The following IGFBPL1 variants were observed in gnomAD, a reference collection of about 807,000 sequenced individuals.
The protein encoded by IGFBPL1 is insulin like growth factor binding protein like 1.
A neutral mutation model predicts 23.9 loss-of-function variants in IGFBPL1; 20 were observed. The ratio of observed to expected loss-of-function variants is 0.84; its 90% CI spans 0.59 to 1.22. The LOEUF is 1.22. Ranked by LOEUF, IGFBPL1 falls within the 50% of genes most tolerant of loss-of-function variation. The pLI is 0.00. For synonymous variants in IGFBPL1, 184 were observed against 171.8 expected (o/e 1.07, Z -0.56); for missense variants, 436 against 379.3 (o/e 1.15, Z -1.24).
At position 38,419,830 on chromosome 9, in the gene IGFBPL1, C is replaced by G. The variant is rs546629459; in HGVS notation, c.460+4135G>C. 1.7e-4 allele frequency among the ~76,000 whole-genome samples: 26 copies of G among 151,704 alleles called. 1 individual carries two copies. In the South Asian group the frequency reaches 5.4e-3, roughly 32 times the overall value. On this transcript the variant is annotated intron_variant, in intron 1 of 4. Coordinates refer to ENST00000377694, the MANE Select transcript of IGFBPL1 (RefSeq NM_001007563.3). Reference sequence around the variant, plus strand: ...GAATAATTCTTACTGTTGGAAATTGCTTTTGCATCCTTCTTCTTCCTTCTC... The same window carrying G: ...GAATAATTCTTACTGTTGGAAATTGGTTTTGCATCCTTCTTCTTCCTTCTC...
chr9:38,421,791 A>G (rs1402129220), intron 1 of IGFBPL1, among the ~76,000 whole-genome samples: 1 of 152,210 alleles, frequency 6.6e-6, no homozygotes, highest in Admixed American at 6.5e-5. Context: ...ACAAGGGCAG[A>G]GGCCACACTA....
chr9:38,410,684 T>C (rs139967775), intron 4 of IGFBPL1, among the ~76,000 whole-genome samples: 180 of 152,248 alleles, frequency 1.2e-3, no homozygotes, highest in African/African-American at 4.2e-3. Context: ...ACATGGAACA[T>C]GAGCAAGTGA....
chr9:38,414,031 TCTCACACACA>T, intron 2 of IGFBPL1, 53 bp downstream of exon 2: 1 of 762,488 alleles, frequency 1.3e-6, no homozygotes, highest in Non-Finnish European at 2.0e-6. Flanking sequence ...TCTCCCTCTT[TCTCACACACA>T]CACACACACA....
chr9:38,420,368 A>C (rs1034161760), intron 1 of IGFBPL1, among the ~76,000 whole-genome samples: 2 of 152,164 alleles, frequency 1.3e-5, no homozygotes, highest in Admixed American at 6.5e-5. Flanking sequence ...CCATCCTTCA[A>C]GGCTTCTCTC....
At chr9:38,413,939 T>C (rs562999212) in intron 2 of IGFBPL1, among the ~76,000 whole-genome samples, 155 bp downstream of exon 2, 2 of 152,116 alleles carry the variant, frequency 1.3e-5, no homozygotes, top group South Asian at 2.1e-4. Context: ...TGATATCTTT[T>C]CTTCATCCTC....
chr9:38,408,938 T>C lies in IGFBPL1; in HGVS notation c.*289A>G, dbSNP rs903823845. ...ACAGCTGACACGAGCCCTTTCGAAA[T>C]TGCAAACATGCCGTTCTGTGATCTC... On this transcript the variant is annotated 3_prime_UTR_variant, in exon 5 of 5. Transcript: ENST00000377694. 6 of 152,152 alleles carry C rather than the reference T, an allele frequency of 3.9e-5. No individual in the cohort carries two copies. Among genetic ancestry groups the C allele is most frequent in the African/African-American group, 1.4e-4 (6 of 41,428 alleles). The allele number at this position is 152,152 out of a possible 1,614,324, so 9.4% of individuals were successfully genotyped here.
At chr9:38,423,142 A>G (rs988484222) in intron 1 of IGFBPL1, among the ~76,000 whole-genome samples, 4 of 152,184 alleles carry the variant, frequency 2.6e-5, no homozygotes, top group African/African-American at 9.6e-5. Context: ...AAGCAGTGCT[A>G]ACGTTTTGGT....
At chr9:38,409,817 AACT>A (rs1821484100) in intron 4 of IGFBPL1, among the ~76,000 whole-genome samples, 1 of 152,116 alleles carries the variant, frequency 6.6e-6, no homozygotes, top group South Asian at 2.1e-4. Context: ...TAGGGCCTCT[AACT>A]ACTCACGTAC....
intron 1 of IGFBPL1, among the ~76,000 whole-genome samples, chr9:38,419,713 G>A (rs1038361179): frequency 6.6e-6 from 1 of 152,154 alleles, no homozygotes; most frequent in East Asian, 1.9e-4. Context: ...AAAGTAATGA[G>A]AGCAATAATA....
Position 38,411,415 on chromosome 9 carries a change from G to A in IGFBPL1, c.822C>T (p.Pro274=), listed in dbSNP as rs754469400. Residue 274 remains proline (P), a synonymous_variant, in exon 4 of 5, where the codon CCC becomes CCT. Transcript: ENST00000377694. ...SKYRSFHFPA[P]DDRM Reference sequence around the variant, plus strand: ...CATTTCTCCATCACATGCGGTCATCGGGAGCTGGGAAGTGGAAGCTCCTGT... The same window carrying A: ...CATTTCTCCATCACATGCGGTCATCAGGAGCTGGGAAGTGGAAGCTCCTGT... 1.9e-5 allele frequency: 30 copies of A among 1,612,266 alleles called. No homozygotes were observed. Among genetic ancestry groups the A allele is most frequent in the South Asian group, 5.5e-5 (5 of 90,800 alleles).
At chr9:38,418,591 C>T (rs1481575428) in intron 1 of IGFBPL1, among the ~76,000 whole-genome samples, 1 of 152,156 alleles carries the variant, frequency 6.6e-6, no homozygotes, top group Non-Finnish European at 1.5e-5. Context: ...TTGCCAGAGC[C>T]GCCACACTGC....
chr9:38,424,210 G>A lies in IGFBPL1; in HGVS notation c.215C>T (p.Ala72Val). The change falls in exon 1 of 5, where the codon GCC becomes GTC. Residue 72 changes from alanine to valine, a missense_variant. Transcript: ENST00000377694. ...GCGGCCCCCGCAGCTCGCGCCCTCG[G>A]CTCCCAGGCAGCGGGCGCAGCAGCC... ...ECGCCARCLG[A>V]EGASCGGRAG... 1 of 1,178,536 alleles carries A rather than the reference G, an allele frequency of 8.5e-7. No individual in the cohort carries two copies. Among genetic ancestry groups the A allele is most frequent in the Non-Finnish European group, 1.0e-6 (1 of 955,120 alleles). 73.0% of individuals were successfully genotyped at this position (1,178,536 alleles called of 1,614,324 possible).
intron 1 of IGFBPL1, among the ~76,000 whole-genome samples, chr9:38,420,039 GC>G (rs1456048495): frequency 1.3e-5 from 2 of 152,108 alleles, no homozygotes; most frequent in Non-Finnish European, 2.9e-5. Flanking sequence ...ACAGGCACAT[GC>G]CATCATGTCC....
At chr9:38,416,163 C>A (rs750714598) in intron 1 of IGFBPL1, among the ~76,000 whole-genome samples, 61 of 152,216 alleles carry the variant, frequency 4.0e-4, no homozygotes, top group Non-Finnish European at 7.1e-4. Flanking sequence ...CAAACCAGTG[C>A]TCCAGTGGCT....
In IGFBPL1 at chr9:38,424,149, C is replaced by T. The variant is rs576121756; in HGVS notation, c.276G>A (p.Ala92=). Residue 92 remains alanine (A), a synonymous_variant, in exon 1 of 5, where the codon GCG becomes GCA. Coordinates refer to ENST00000377694, the MANE Select transcript of IGFBPL1 (RefSeq NM_001007563.3). ...GGRCGPGLVC[A]SQAAGAAPEG... is the part of the protein sequence containing the mutation. ...CGGGCGCTGCCCCAGCGGCCTGGCT[C>T]GCGCATACCAGGCCGGGGCCACAGC... The T allele has an allele frequency of 5.7e-6, 7 of 1,218,214 alleles. No individual in the cohort carries two copies. The South Asian group carries it at 2.0e-4, about 36-fold the overall frequency. The allele number at this position is 1,218,214 out of a possible 1,614,324, so 75.5% of individuals were successfully genotyped here. A position where few individuals can be genotyped will look rare whatever the true frequency, so the allele number is the denominator to read the frequency against.
In IGFBPL1 at chr9:38,413,254, C is replaced by T. The variant is rs906390700; in HGVS notation, c.670G>A (p.Ala224Thr). ...ACACTCACCAAAATCCAGGCCGTGG[C>T]CTCATGGTCAGAAGGGCCCCCTCGC... Reference protein sequence around the residue: ...QVRGGPSDHEATAWILINPLR... With the variant: ...QVRGGPSDHETTAWILINPLR... The change falls in exon 3 of 5, where the codon GCC becomes ACC. Residue 224 changes from alanine to threonine, a missense_variant. Physicochemically the swap from Ala to Thr is moderately conservative, Grantham distance 58. Coordinates refer to ENST00000377694, the MANE Select transcript of IGFBPL1 (RefSeq NM_001007563.3). 2 of 1,611,724 alleles carry T rather than the reference C, an allele frequency of 1.2e-6. No homozygotes were observed. Among genetic ancestry groups the T allele is most frequent in the Non-Finnish European group, 8.5e-7 (1 of 1,178,046 alleles).
In IGFBPL1 at chr9:38,411,987, G is replaced by C. The variant is rs143563064; in HGVS notation, c.688-438C>G. On this transcript the variant is annotated intron_variant, in intron 3 of 4. Transcript: ENST00000377694. ...CTGTCTTTTCTCCTAAGAAAATAGAGGAATGTGCTTGATTTGAAAAAACCG... is the reference window on the plus strand; with the variant it reads ...CTGTCTTTTCTCCTAAGAAAATAGACGAATGTGCTTGATTTGAAAAAACCG... Among the ~76,000 whole-genome samples, 1,356 of 152,278 alleles carry C rather than the reference G, an allele frequency of 8.9e-3. 6 individuals are homozygous for C. The highest frequency in any genetic ancestry group is 0.012 in the Non-Finnish European group (837 of 68,028).
At chr9:38,409,830 C>T (rs1055401341) in intron 4 of IGFBPL1, among the ~76,000 whole-genome samples, 2 of 152,140 alleles carry the variant, frequency 1.3e-5, no homozygotes, top group Admixed American at 6.5e-5. Flanking sequence ...TACTCACGTA[C>T]ACCCATCCTT....
chr9:38,419,504 C>A (rs899098696), intron 1 of IGFBPL1, among the ~76,000 whole-genome samples: 2 of 152,134 alleles, frequency 1.3e-5, no homozygotes, highest in African/African-American at 2.4e-5. Context: ...GGAATTTCAA[C>A]CAAGGTGAAT....
Sources: allele counts gnomAD v4.1 joint callset (sites outside exome capture counted in the v4.1 genomes callset), GRCh38; gene constraint gnomAD v4.1.1; transcripts MANE v1.5; gene names NCBI Gene and HGNC (gene_info 2026-07-23, HGNC 2026-07-21).